The following MNAT1 variants were observed in gnomAD, a reference collection of about 807,000 sequenced individuals.
The protein encoded by MNAT1 is MNAT1 component of CDK activating kinase.
A neutral mutation model predicts 42.0 loss-of-function variants in MNAT1; 43 were observed. The observed-to-expected ratio is 1.02, with a 90% CI of 0.80 to 1.32. MNAT1 has a LOEUF of 1.32. Ranked by LOEUF, MNAT1 falls within the 40% of genes most tolerant of loss-of-function variation. The probability of loss-of-function intolerance (pLI) is 0.00; values close to 1 mark genes in which losing one functional copy is unlikely to be tolerated. For synonymous variants in MNAT1, 118 were observed against 120.0 expected (o/e 0.98, Z 0.11); for missense variants, 306 against 350.4 (o/e 0.87, Z 1.01).
At chr14:60,952,404 A>G (rs916037834) in intron 7 of MNAT1, among the ~76,000 whole-genome samples, 1 of 152,304 alleles carries the variant, frequency 6.6e-6, no homozygotes, top group South Asian at 2.1e-4. Flanking sequence ...AATGGAGAGA[A>G]CATACTGTAA....
intron 6 of MNAT1, among the ~76,000 whole-genome samples, chr14:60,826,807 A>G (rs1364579232): frequency 6.6e-6 from 1 of 152,136 alleles, no homozygotes; most frequent in Non-Finnish European, 1.5e-5. Flanking sequence ...AATTATTTTT[A>G]CTTAGCTTAT....
intron 1 of MNAT1, among the ~76,000 whole-genome samples, chr14:60,745,624 C>T (rs1896589706): frequency 6.6e-6 from 1 of 152,022 alleles, no homozygotes. Context: ...GCCATGTTGC[C>T]CAGGCTGGTC....
At chr14:60,877,879 T>C (rs2034468001) in intron 6 of MNAT1, among the ~76,000 whole-genome samples, 1 of 152,054 alleles carries the variant, frequency 6.6e-6, no homozygotes, top group East Asian at 1.9e-4. Context: ...GATGTTTTCA[T>C]CCAATTTAGT....
intron 7 of MNAT1, among the ~76,000 whole-genome samples, chr14:60,883,291 A>G (rs530271617): frequency 2.6e-5 from 4 of 152,278 alleles, no homozygotes; most frequent in Middle Eastern, 3.4e-3. Flanking sequence ...ATTCTTATGC[A>G]TATGGATATC....
chr14:60,887,224 T>C (rs954403486), intron 7 of MNAT1, among the ~76,000 whole-genome samples: 2 of 152,082 alleles, frequency 1.3e-5, no homozygotes, highest in Non-Finnish European at 2.9e-5. Flanking sequence ...TTGTTTTTGT[T>C]TGTTTTTTGT....
At chr14:60,963,016 C>T (rs960144925) in intron 7 of MNAT1, among the ~76,000 whole-genome samples, 6 of 152,142 alleles carry the variant, frequency 3.9e-5, no homozygotes, top group Admixed American at 3.9e-4. Context: ...GAGTCTCGCT[C>T]TGTCGCCCAG....
chr14:60,916,759 C>G (rs755046351), intron 7 of MNAT1, among the ~76,000 whole-genome samples: 1 of 152,126 alleles, frequency 6.6e-6, no homozygotes, highest in Non-Finnish European at 1.5e-5. Context: ...CCAGATCAGA[C>G]TGGGCAACGT....
intron 1 of MNAT1, among the ~76,000 whole-genome samples, chr14:60,748,072 T>G (rs188332834): frequency 6.6e-6 from 1 of 152,062 alleles, no homozygotes; most frequent in Non-Finnish European, 1.5e-5. Context: ...GGCACCCACC[T>G]GTAGTCCCAA....
At chr14:60,798,888 G>A (rs2032109091) in intron 3 of MNAT1, among the ~76,000 whole-genome samples, 1 of 151,964 alleles carries the variant, frequency 6.6e-6, no homozygotes, top group East Asian at 1.9e-4. Flanking sequence ...GAGACTATGA[G>A]GATCAAACAG....
chr14:60,781,432 T>A (rs2031456410), intron 1 of MNAT1, among the ~76,000 whole-genome samples: 1 of 152,164 alleles, frequency 6.6e-6, no homozygotes, highest in Admixed American at 6.5e-5. Flanking sequence ...GGCAAGTCTT[T>A]TAATAGTATT....
Position 60,751,829 on chromosome 14 carries a change from C to T in MNAT1, c.89+16878C>T, listed in dbSNP as rs190763288. ...TATACCTCACTCAGTTTTTTTAGAA[C>T]ACAAATATGATAGTGGTTATATCAT... On this transcript the variant is annotated intron_variant, in intron 1 of 7. Transcript: ENST00000261245. Among the ~76,000 whole-genome samples the T allele has an allele frequency of 2.0e-4, 31 of 151,306 alleles. No individual in the cohort carries two copies. In the East Asian group the frequency reaches 5.8e-3, roughly 28 times the overall value.
chr14:60,883,118 C>G (rs1400590705), intron 7 of MNAT1, among the ~76,000 whole-genome samples: 1 of 152,008 alleles, frequency 6.6e-6, no homozygotes, highest in African/African-American at 2.4e-5. Context: ...CTTTAGTTGC[C>G]TGTGCTTGTG....
At chr14:60,839,982 C>A (rs76591393) in intron 6 of MNAT1, among the ~76,000 whole-genome samples, 2 of 152,188 alleles carry the variant, frequency 1.3e-5, no homozygotes, top group Non-Finnish European at 2.9e-5. Flanking sequence ...ATGAGCCCAG[C>A]GGGCCCAAGA....
intron 6 of MNAT1, among the ~76,000 whole-genome samples, chr14:60,845,555 A>G (rs950037752): frequency 1.1e-4 from 16 of 152,084 alleles, no homozygotes; most frequent in African/African-American, 3.9e-4. Context: ...TACATACAAT[A>G]AAATCCACTC....
intron 4 of MNAT1, among the ~76,000 whole-genome samples, chr14:60,811,298 C>CTTTTTTTTTTTTTTTTTTTTTTTTTTT (rs569520885): frequency 1.2e-5 from 1 of 80,322 alleles, no homozygotes; most frequent in Admixed American, 1.4e-4. Context: ...TCTATTCTTT[C>CTTTTTTTTTTTTTTTTTTTTTTTTTTT]TTTTTTTTTT....
At chr14:60,881,839 A>C (rs1171566924) in intron 7 of MNAT1, among the ~76,000 whole-genome samples, 1 of 152,118 alleles carries the variant, frequency 6.6e-6, no homozygotes, top group Non-Finnish European at 1.5e-5. Flanking sequence ...ATTATGATTG[A>C]CTATAGTCAC....
At chr14:60,910,134 C>G (rs1235902209) in intron 7 of MNAT1, among the ~76,000 whole-genome samples, 2 of 151,968 alleles carry the variant, frequency 1.3e-5, no homozygotes, top group Non-Finnish European at 2.9e-5. Flanking sequence ...TTGTCTGTGA[C>G]TGGTGTATAA....
intron 6 of MNAT1, among the ~76,000 whole-genome samples, chr14:60,820,658 C>T (rs2351279): frequency 0.93 from 141,136 of 151,998 alleles, 66,004 homozygotes; most frequent in Non-Finnish European, 0.99. Flanking sequence ...TCTTATCATC[C>T]TAGGATAATT....
intron 7 of MNAT1, among the ~76,000 whole-genome samples, chr14:60,890,314 A>G (rs1038436111): frequency 2.0e-5 from 3 of 152,176 alleles, no homozygotes; most frequent in Non-Finnish European, 4.4e-5. Flanking sequence ...CTCATGATGT[A>G]AAATCTTCTT....
Sources: gnomAD v4.1 joint callset for allele counts (sites outside exome capture counted in the v4.1 genomes callset) on GRCh38, gnomAD v4.1.1 for gene constraint, MANE v1.5 for transcripts, NCBI Gene and HGNC (gene_info 2026-07-23, HGNC 2026-07-21) for gene names.